Variants in PRPSAP2 observed in about 807,000 individuals in gnomAD.
PRPSAP2 encodes the protein phosphoribosyl pyrophosphate synthetase associated protein 2.
A neutral mutation model predicts 40.6 loss-of-function variants in PRPSAP2; 24 were observed. The observed-to-expected ratio is 0.59, with a 90% CI of 0.43 to 0.83. PRPSAP2 has a LOEUF of 0.83. Ranked by LOEUF, PRPSAP2 falls within the 40% of genes least tolerant of loss-of-function variation. The pLI, the probability that PRPSAP2 is intolerant of heterozygous loss-of-function variation, is 0.00. For missense variants in PRPSAP2, 292 were observed against 465.6 expected (o/e 0.63, Z 3.43); for synonymous variants, 149 against 164.7 (o/e 0.90, Z 0.73).
upstream of PRPSAP2, among the ~76,000 whole-genome samples, chr17:18,856,917 TTA>T (rs1297982622): frequency 6.6e-6 from 1 of 152,224 alleles, no homozygotes; most frequent in Non-Finnish European, 1.5e-5. Flanking sequence ...TTTGCTATTA[TTA>T]TGTTATACAT....
chr17:18,902,108 A>G (rs17842756), intron 8 of PRPSAP2, among the ~76,000 whole-genome samples: 11,798 of 151,962 alleles, frequency 0.078, 548 homozygotes, highest in Middle Eastern at 0.14. Context: ...TTTCTTTCCC[A>G]CTAAATACCA....
intron 11 of PRPSAP2, chr17:18,929,587 T>C (rs1287996601): frequency 2.0e-5 from 3 of 152,152 alleles, no homozygotes; most frequent in Admixed American, 1.3e-4. Context: ...TCTGGACATT[T>C]CATATAAATG....
intron 9 of PRPSAP2, among the ~76,000 whole-genome samples, chr17:18,922,848 A>AT (rs999825702): frequency 6.7e-6 from 1 of 149,452 alleles, no homozygotes; most frequent in Admixed American, 6.7e-5. Context: ...TAATTTTTGT[A>AT]TTTTTTTATA....
At chr17:18,902,887 A>G (rs1253173915) in intron 8 of PRPSAP2, among the ~76,000 whole-genome samples, 2 of 150,492 alleles carry the variant, frequency 1.3e-5, no homozygotes, top group African/African-American at 2.4e-5. Flanking sequence ...AAAAAAAAAA[A>G]AAAAAAGAAA....
intron 7 of PRPSAP2, among the ~76,000 whole-genome samples, chr17:18,884,323 T>C (rs943316730): frequency 7.7e-5 from 10 of 130,578 alleles, no homozygotes; most frequent in African/African-American, 3.0e-4. Flanking sequence ...ATAGAGACTT[T>C]AATTTTACCT....
chr17:18,929,982 TG>T (rs375163245), intron 11 of PRPSAP2, among the ~76,000 whole-genome samples: 38 of 150,728 alleles, frequency 2.5e-4, no homozygotes, highest in Non-Finnish European at 3.1e-4. Context: ...AGCCGTGAGT[TG>T]GGGGGGGGCT....
intron 8 of PRPSAP2, among the ~76,000 whole-genome samples, chr17:18,898,247 G>A (rs1200370323): frequency 1.3e-5 from 2 of 150,324 alleles, no homozygotes; most frequent in Non-Finnish European, 3.0e-5. Context: ...TCTGCCCACC[G>A]CGGCCTCCCA....
Position 18,883,071 on chromosome 17 carries a change from C to A in PRPSAP2, c.528+388C>A, listed in dbSNP as rs78155494. Among the ~76,000 whole-genome samples, 20 of 152,270 alleles carry A rather than the reference C, an allele frequency of 1.3e-4. No homozygotes were observed. In the East Asian group the frequency reaches 3.7e-3, roughly 28 times the overall value. ...CACCTCCCAGCAAGAAAACTAGAGT[C>A]ATCATCATAACTTAGAGCTGCTCAT... On this transcript the variant is annotated intron_variant, in intron 7 of 11. Transcript: ENST00000268835.
intron 6 of PRPSAP2, among the ~76,000 whole-genome samples, chr17:18,881,821 CTG>C (rs1430687768): frequency 6.6e-6 from 1 of 150,934 alleles, no homozygotes; most frequent in Non-Finnish European, 1.5e-5. Flanking sequence ...GCGTGAGCCA[CTG>C]TGCCCGGCCA....
intron 9 of PRPSAP2, among the ~76,000 whole-genome samples, chr17:18,914,616 T>C (rs1567739361): frequency 6.6e-6 from 1 of 152,132 alleles, no homozygotes; most frequent in African/African-American, 2.4e-5. Context: ...ATATTTAAGT[T>C]CTACCTCCCC....
At chr17:18,861,230 T>G (rs2036989248) in intron 1 of PRPSAP2, among the ~76,000 whole-genome samples, 1 of 152,090 alleles carries the variant, frequency 6.6e-6, no homozygotes, top group Non-Finnish European at 1.5e-5. Flanking sequence ...TTTAGGAGGC[T>G]GAGGCGGGTG....
At chr17:18,884,932 A>G (rs929262794) in intron 7 of PRPSAP2, among the ~76,000 whole-genome samples, 5 of 152,128 alleles carry the variant, frequency 3.3e-5, no homozygotes, top group Non-Finnish European at 7.3e-5. Flanking sequence ...TGGCAATTGC[A>G]CCTCTTAAGG....
intron 8 of PRPSAP2, among the ~76,000 whole-genome samples, chr17:18,910,010 A>G (rs546443549): frequency 6.6e-6 from 1 of 152,358 alleles, no homozygotes; most frequent in East Asian, 1.9e-4. Flanking sequence ...TCAGCAATAC[A>G]TAAATGGATA....
upstream of PRPSAP2, chr17:18,858,102 G>GCCCCCGCCCCGCCCCCC (rs2036719177): frequency 6.6e-6 from 1 of 151,752 alleles, no homozygotes; most frequent in Non-Finnish European, 1.5e-5. Flanking sequence ...CTCTAGTCCC[G>GCCCCCGCCCCGCCCCCC]CCCTCGCCCC....
intron 7 of PRPSAP2, among the ~76,000 whole-genome samples, chr17:18,883,396 T>G (rs1432975815): frequency 9.1e-6 from 1 of 109,290 alleles, no homozygotes; most frequent in Non-Finnish European, 2.0e-5. Context: ...TTTAGCTGTT[T>G]TTCTTTCTTT....
chr17:18,885,604 T>G (rs1053944819), intron 7 of PRPSAP2, among the ~76,000 whole-genome samples: 7 of 151,908 alleles, frequency 4.6e-5, no homozygotes, highest in South Asian at 2.1e-4. Flanking sequence ...TGTTTTTTTT[T>G]GAGATGGAGT....
chr17:18,924,309 G>A (rs2041853057), intron 10 of PRPSAP2, among the ~76,000 whole-genome samples: 2 of 152,116 alleles, frequency 1.3e-5, no homozygotes, highest in South Asian at 2.1e-4. Flanking sequence ...CAAAGTGTTG[G>A]GATTACAGGC....
chr17:18,905,886 C>G (rs1393889669), intron 8 of PRPSAP2, among the ~76,000 whole-genome samples: 7 of 152,114 alleles, frequency 4.6e-5, no homozygotes, highest in African/African-American at 7.2e-5. Flanking sequence ...CCTGGCCACT[C>G]TCTTGATAAT....
rs1201159228 is a variant in PRPSAP2, at chr17:18,894,479, C to CTTTT, written c.584+4617_584+4620dup. ...CGGCCCTCTGTAGCTTTTCAATAGT[C>CTTTT]TTTTTTTTTTTTTTTTTTGAGACAG... On this transcript the variant is annotated intron_variant, in intron 8 of 11. Coordinates refer to ENST00000268835, the MANE Select transcript of PRPSAP2 (RefSeq NM_002767.4). Among the ~76,000 whole-genome samples, 86 of 120,594 alleles carry CTTTT rather than the reference C, an allele frequency of 7.1e-4. 3 individuals carry two copies. In the East Asian group the frequency reaches 0.017, roughly 24 times the overall value. 79.1% of individuals were successfully genotyped at this position (120,594 alleles called of 152,430 possible). A position where few individuals can be genotyped will look rare whatever the true frequency, so the allele number is the denominator to read the frequency against.
Sources: gnomAD v4.1 joint callset for allele counts (sites outside exome capture counted in the v4.1 genomes callset) on GRCh38, gnomAD v4.1.1 for gene constraint, MANE v1.5 for transcripts, NCBI Gene and HGNC (gene_info 2026-07-23, HGNC 2026-07-21) for gene names.